The following EFNB3 variants were observed in gnomAD, a reference collection of about 807,000 sequenced individuals.
EFNB3 encodes ephrin B3.
Under a neutral mutation model 29.8 loss-of-function variants are expected in EFNB3, and 14 were observed. The observed-to-expected ratio is 0.47, with a 90% CI of 0.31 to 0.73. EFNB3 has a LOEUF of 0.73. Ranked by LOEUF, EFNB3 falls within the 30% of genes least tolerant of loss-of-function variation. EFNB3 has a pLI of 0.05. For missense variants in EFNB3, 408 were observed against 458.0 expected (o/e 0.89, Z 1.00); for synonymous variants, 216 against 191.6 (o/e 1.13, Z -1.05).
rs992235797 is a variant in EFNB3 at position 7,705,377 on chromosome 17, G to A, written c.-222G>A. ...CCGGGGTGCTGGCGCGTGGGCCGGG[G>A]GCGCGTAGGGCGCCTGCAGACGGCC... On this transcript the variant is annotated 5_prime_UTR_variant, in exon 1 of 5. Transcript: ENST00000226091. This position sits in a 1 kb window ranked among gnomAD's most constrained non-coding sequence, Gnocchi z 5.4. 27 of 382,614 alleles carry A rather than the reference G, an allele frequency of 7.1e-5. No individual in the cohort carries two copies. Among genetic ancestry groups the A allele is most frequent in the African/African-American group, 5.5e-4 (26 of 46,988 alleles). The allele number at this position is 382,614 out of a possible 1,614,324, so 23.7% of individuals were successfully genotyped here. A position where few individuals can be genotyped will look rare whatever the true frequency, so the allele number is the denominator to read the frequency against.
chr17:7,707,830 TCAGA>T (rs1453336576), intron 1 of EFNB3, 124 bp from the exon 2 acceptor site: 16 of 1,092,830 alleles, frequency 1.5e-5, no homozygotes, highest in Middle Eastern at 3.1e-4. Flanking sequence ...GACTTTCCAC[TCAGA>T]CAAAGGCGGG....
In EFNB3 at chr17:7,705,447, C is replaced by G; in HGVS notation, c.-152C>G. ...GGCTGAGCGCTCTGCCGCGGGGGCG[C>G]GGGCACAGCAGGAAGCAGGTCCGCG... On this transcript the variant is annotated 5_prime_UTR_variant, in exon 1 of 5. Coordinates refer to ENST00000226091, the MANE Select transcript of EFNB3 (RefSeq NM_001406.4). This position sits in a 1 kb window ranked among gnomAD's most constrained non-coding sequence, Gnocchi z 5.4. 2 of 503,028 alleles carry G rather than the reference C, an allele frequency of 4.0e-6. No homozygotes were observed. The highest frequency in any genetic ancestry group is 6.0e-5 in the South Asian group (2 of 33,116). 31.2% of individuals were successfully genotyped at this position (503,028 alleles called of 1,614,324 possible). A position where few individuals can be genotyped will look rare whatever the true frequency, so the allele number is the denominator to read the frequency against.
Position 7,708,816 on chromosome 17 carries a change from C to T in EFNB3, c.613+77C>T, listed in dbSNP as rs1050842970. The T allele has an allele frequency of 1.2e-5, 16 of 1,323,538 alleles. No individual in the cohort carries two copies. Among genetic ancestry groups the T allele is most frequent in the Non-Finnish European group, 1.6e-5 (16 of 978,932 alleles). The allele number at this position is 1,323,538 out of a possible 1,614,324, so 82.0% of individuals were successfully genotyped here. A position where few individuals can be genotyped will look rare whatever the true frequency, so the allele number is the denominator to read the frequency against. ...ACCCCAGCTGCCCTGCCGTCACCCT[C>T]CCTCCCTCTTCAGTTTTGGGGGCGG... is the stretch of plus-strand genomic sequence containing the variant. On this transcript the variant is annotated intron_variant, in intron 4 of 4. Coordinates refer to ENST00000226091, the MANE Select transcript of EFNB3 (RefSeq NM_001406.4). The surrounding 1 kb of genome is among the most constrained non-coding windows in gnomAD (Gnocchi z 6.8).
Position 7,705,627 on chromosome 17 carries a change from G to C in EFNB3, c.29G>C (p.Gly10Ala), listed in dbSNP as rs756615634. 2.0e-6 allele frequency: 3 copies of C among 1,509,706 alleles called. No homozygotes were observed. Among genetic ancestry groups the C allele is most frequent in the Middle Eastern group, 1.7e-4 (1 of 5,732 alleles). The allele number at this position is 1,509,706 out of a possible 1,614,324, so 93.5% of individuals were successfully genotyped here. A position where few individuals can be genotyped will look rare whatever the true frequency, so the allele number is the denominator to read the frequency against. Residue 10 changes from glycine to alanine, a missense_variant, in exon 1 of 5, where the codon GGC becomes GCC. Physicochemically the swap from Gly to Ala is moderately conservative, Grantham distance 60 (BLOSUM62 0). Coordinates refer to ENST00000226091, the MANE Select transcript of EFNB3 (RefSeq NM_001406.4). This position sits in a 1 kb window ranked among gnomAD's most constrained non-coding sequence, Gnocchi z 5.4. MGPPHSGPG[G>A]VRVGALLLLG... ...GGGCCCCCCCATTCTGGGCCGGGGG[G>C]CGTGCGAGTCGGGGCCCTGCTGCTG... is the stretch of plus-strand genomic sequence containing the variant.
chr17:7,709,555 A>C lies in EFNB3; in HGVS notation c.1002A>C (p.Pro334=). 1 of 1,613,834 alleles carries C rather than the reference A, an allele frequency of 6.2e-7. No individual in the cohort carries two copies. Among genetic ancestry groups the C allele is most frequent in the Admixed American group, 1.7e-5 (1 of 59,992 alleles). ...AGGATGGGCCCCCCCAGAGCCCTCC[A>C]AACATCTACTACAAGGTATGAGGGC... is the stretch of plus-strand genomic sequence containing the variant. ...IVQDGPPQSP[P]NIYYKV is the part of the protein sequence containing the mutation. Residue 334 remains proline (P), a synonymous_variant, in exon 5 of 5, where the codon CCA becomes CCC. Coordinates refer to ENST00000226091, the MANE Select transcript of EFNB3 (RefSeq NM_001406.4). This position sits in a 1 kb window ranked among gnomAD's most constrained non-coding sequence, Gnocchi z 4.5.
intron 1 of EFNB3, among the ~76,000 whole-genome samples, chr17:7,706,978 G>A (rs545573273): frequency 2.0e-5 from 3 of 152,302 alleles, no homozygotes; most frequent in East Asian, 1.9e-4. Context: ...TGAGTATCAG[G>A]TGTGTAGCTT....
In EFNB3 at chr17:7,709,137, C is replaced by T. The variant is rs759519825; in HGVS notation, c.614-30C>T. On this transcript the variant is annotated intron_variant, in intron 4 of 4. Coordinates refer to ENST00000226091, the MANE Select transcript of EFNB3 (RefSeq NM_001406.4). The surrounding 1 kb of genome is among the most constrained non-coding windows in gnomAD (Gnocchi z 4.5). ...CAGGTGGCTCCTTCAGTCCCTCCCC[C>T]TCTTTCCTCCTTCACCCCTTCCCTG... 7.6e-6 allele frequency: 12 copies of T among 1,589,336 alleles called. No homozygotes were observed. The highest frequency in any genetic ancestry group is 3.3e-5 in the South Asian group (3 of 89,632).
chr17:7,709,343 C>T lies in EFNB3; in HGVS notation c.790C>T (p.Pro264Ser), dbSNP rs772155983. ...GGCCAAGCCTTCGGAGAGTCGCCAC[C>T]CTGGTCCTGGCTCCTTCGGGAGGGG... ...RRAKPSESRH[P>S]GPGSFGRGGS... is the part of the protein sequence containing the mutation. The change falls in exon 5 of 5, where the codon CCT (proline) becomes TCT (serine). Residue 264 changes from proline to serine, a missense_variant. Around this residue, in one of 3 missense-constraint regions of EFNB3, gnomAD observed 233 missense variants for 230.7 expected, o/e 1.01. Transcript: ENST00000226091. This position sits in a 1 kb window ranked among gnomAD's most constrained non-coding sequence, Gnocchi z 4.5. 1 of 1,573,780 alleles carries T rather than the reference C, an allele frequency of 6.4e-7. No homozygotes were observed. The highest frequency in any genetic ancestry group is 1.2e-5 in the South Asian group (1 of 85,934).
At chr17:7,707,894 G>A in intron 1 of EFNB3, 64 bp from the exon 2 acceptor site, 1 of 1,526,546 alleles carries the variant, frequency 6.6e-7, no homozygotes, top group Non-Finnish European at 8.8e-7. Context: ...GGTGAGGGAA[G>A]GAAAGTTCTG....
Position 7,709,195 on chromosome 17 carries a change from G to A in EFNB3, c.642G>A (p.Arg214=), listed in dbSNP as rs1386564471. Residue 214 remains arginine, a synonymous_variant, in exon 5 of 5, where the codon CGG becomes CGA. Transcript: ENST00000226091. This position sits in a 1 kb window ranked among gnomAD's most constrained non-coding sequence, Gnocchi z 4.5. ...ACCCCACCAGCAATGCAACCTCCCG[G>A]GGTGCTGAAGGCCCCCTGCCCCCTC... ...PGDPTSNATS[R]GAEGPLPPPS... is the part of the protein sequence containing the mutation. The A allele has an allele frequency of 6.2e-7, 1 of 1,603,862 alleles. No individual in the cohort carries two copies. The highest frequency in any genetic ancestry group is 8.5e-7 in the Non-Finnish European group (1 of 1,178,326).
Position 7,708,380 on chromosome 17 carries a change from G to A in EFNB3, c.416-55G>A. The A allele has an allele frequency of 6.3e-7, 1 of 1,593,246 alleles. No homozygotes were observed. The highest frequency in any genetic ancestry group is 1.1e-5 in the South Asian group (1 of 87,800). On this transcript the variant is annotated intron_variant, in intron 2 of 4. Transcript: ENST00000226091. The surrounding 1 kb of genome is among the most constrained non-coding windows in gnomAD (Gnocchi z 6.8). ...GTGTTCACACCAGGGTGTGGGGCCA[G>A]AATCAGGGCTAGATTCTGGAGTGCC...
rs2074335360 is a variant in EFNB3 at position 7,708,443 on chromosome 17, G to A, written c.424G>A (p.Asp142Asn). ...TGGCTTTTCTCTCCCAGCCACATCGGATGGGACCCGGGAGGGCCTGGAGAG... is the reference window on the plus strand; with the variant it reads ...TGGCTTTTCTCTCCCAGCCACATCGAATGGGACCCGGGAGGGCCTGGAGAG... ...HHDYYIIATS[D>N]GTREGLESLQ... The change falls in exon 3 of 5, where the codon GAT becomes AAT. Residue 142 changes from aspartate to asparagine, a missense_variant. Asp to Asn is a conservative substitution (Grantham distance 23, BLOSUM62 1). Coordinates refer to ENST00000226091, the MANE Select transcript of EFNB3 (RefSeq NM_001406.4). This position sits in a 1 kb window ranked among gnomAD's most constrained non-coding sequence, Gnocchi z 6.8. The A allele has an allele frequency of 6.2e-7, 1 of 1,613,232 alleles. No homozygotes were observed. Among genetic ancestry groups the A allele is most frequent in the Non-Finnish European group, 8.5e-7 (1 of 1,179,644 alleles).
Position 7,705,384 on chromosome 17 carries a change from A to C in EFNB3, c.-215A>C. 2 of 357,236 alleles carry C rather than the reference A, an allele frequency of 5.6e-6. No homozygotes were observed. The highest frequency in any genetic ancestry group is 5.0e-6 in the Non-Finnish European group (1 of 199,304). 22.1% of individuals were successfully genotyped at this position (357,236 alleles called of 1,614,324 possible). ...GCTGGCGCGTGGGCCGGGGGCGCGTAGGGCGCCTGCAGACGGCCCCTGGAA... is the reference window on the plus strand; with the variant it reads ...GCTGGCGCGTGGGCCGGGGGCGCGTCGGGCGCCTGCAGACGGCCCCTGGAA... On this transcript the variant is annotated 5_prime_UTR_variant, in exon 1 of 5. Coordinates refer to ENST00000226091, the MANE Select transcript of EFNB3 (RefSeq NM_001406.4). The surrounding 1 kb of genome is among the most constrained non-coding windows in gnomAD (Gnocchi z 5.4).
intron 1 of EFNB3, among the ~76,000 whole-genome samples, chr17:7,707,698 G>A (rs1185237439): frequency 6.6e-6 from 1 of 152,190 alleles, no homozygotes; most frequent in African/African-American, 2.4e-5. Context: ...TGCATGTGGT[G>A]AGGGCGGGCT....
At position 7,707,424 on chromosome 17, in the gene EFNB3, C is replaced by CTA. The variant is rs574162459; in HGVS notation, c.123-532_123-531dup. 5.9e-5 allele frequency among the ~76,000 whole-genome samples: 9 copies of CTA among 152,332 alleles called. No homozygotes were observed. In the South Asian group the frequency reaches 1.9e-3, roughly 32 times the overall value. On this transcript the variant is annotated intron_variant, in intron 1 of 4. Transcript: ENST00000226091. The stretch of plus-strand genomic sequence containing the variant: ...CCAAACCAGGCATTTGCCTTCTGTG[C>CTA]TATTAGCTGGCTAACTTAGGACACT...
rs1044059695 is a variant in EFNB3 at position 7,705,792 on chromosome 17, C to T, written c.122+72C>T. 7.3e-6 allele frequency: 11 copies of T among 1,496,902 alleles called. No individual in the cohort carries two copies. Among genetic ancestry groups the T allele is most frequent in the Middle Eastern group, 3.5e-4 (2 of 5,780 alleles). 92.7% of individuals were successfully genotyped at this position (1,496,902 alleles called of 1,614,324 possible). A position where few individuals can be genotyped will look rare whatever the true frequency, so the allele number is the denominator to read the frequency against. On this transcript the variant is annotated intron_variant, in intron 1 of 4. Coordinates refer to ENST00000226091, the MANE Select transcript of EFNB3 (RefSeq NM_001406.4). This position sits in a 1 kb window ranked among gnomAD's most constrained non-coding sequence, Gnocchi z 5.4. ...TAGGGAAGCTCTGGGGGCTTGGAGGCGGGCTTCTGTGGGCAGGGAGGAGGC... is the reference window on the plus strand; with the variant it reads ...TAGGGAAGCTCTGGGGGCTTGGAGGTGGGCTTCTGTGGGCAGGGAGGAGGC...
Position 7,709,684 on chromosome 17 carries a change from C to G in EFNB3, c.*108C>G. 6 of 1,158,348 alleles carry G rather than the reference C, an allele frequency of 5.2e-6. No homozygotes were observed. In the South Asian group the frequency reaches 6.5e-5, roughly 13 times the overall value. 71.8% of individuals were successfully genotyped at this position (1,158,348 alleles called of 1,614,324 possible). On this transcript the variant is annotated 3_prime_UTR_variant, in exon 5 of 5. Transcript: ENST00000226091. The surrounding 1 kb of genome is among the most constrained non-coding windows in gnomAD (Gnocchi z 4.5). ...TAACATCTCGGCCCCCTGTGCCCCC[C>G]CAGCCCCTTCACTCCTCCCGGCTGC...
chr17:7,708,798 C>A lies in EFNB3; in HGVS notation c.613+59C>A. On this transcript the variant is annotated intron_variant, in intron 4 of 4. Transcript: ENST00000226091. The surrounding 1 kb of genome is among the most constrained non-coding windows in gnomAD (Gnocchi z 6.8). ...AGCTTCCTCTGCTCTCAGACCCCAG[C>A]TGCCCTGCCGTCACCCTCCCTCCCT... The A allele has an allele frequency of 7.0e-7, 1 of 1,438,136 alleles. No individual in the cohort carries two copies. Among genetic ancestry groups the A allele is most frequent in the Non-Finnish European group, 9.3e-7 (1 of 1,077,006 alleles). The allele number at this position is 1,438,136 out of a possible 1,614,324, so 89.1% of individuals were successfully genotyped here. A position where few individuals can be genotyped will look rare whatever the true frequency, so the allele number is the denominator to read the frequency against.
Position 7,705,760 on chromosome 17 carries a change from C to CAGT in EFNB3, c.122+41_122+43dup. The CAGT allele has an allele frequency of 6.5e-7, 1 of 1,528,604 alleles. No individual in the cohort carries two copies. Among genetic ancestry groups the CAGT allele is most frequent in the East Asian group, 2.6e-5 (1 of 38,304 alleles). The allele number at this position is 1,528,604 out of a possible 1,614,324, so 94.7% of individuals were successfully genotyped here. A position where few individuals can be genotyped will look rare whatever the true frequency, so the allele number is the denominator to read the frequency against. On this transcript the variant is annotated intron_variant, in intron 1 of 4. Coordinates refer to ENST00000226091, the MANE Select transcript of EFNB3 (RefSeq NM_001406.4). The surrounding 1 kb of genome is among the most constrained non-coding windows in gnomAD (Gnocchi z 5.4). ...GCTGGGGAGATCCCAGACCCTAGGG[C>CAGT]AGTGGGTAGGGAAGCTCTGGGGGCT...
Sources: allele counts gnomAD v4.1 joint callset (sites outside exome capture counted in the v4.1 genomes callset), GRCh38; gene constraint gnomAD v4.1.1; regional missense constraint gnomAD v4.1.1; non-coding constraint Gnocchi (gnomAD v3.1); transcripts MANE v1.5; gene names NCBI Gene and HGNC (gene_info 2026-07-23, HGNC 2026-07-21).